CDC42BPA: variants seen among roughly 807,000 people sequenced by gnomAD.
The protein encoded by CDC42BPA is CDC42 binding protein kinase alpha, also known as serine/threonine-protein kinase MRCK alpha.
CDC42BPA carries 80 observed loss-of-function variants against 223.5 expected under a neutral mutation model. The ratio of observed to expected loss-of-function variants is 0.36; its 90% CI spans 0.30 to 0.43. CDC42BPA has a LOEUF of 0.43. Among genes scored for constraint, CDC42BPA ranks in the 20% least tolerant of loss-of-function variants. The probability of loss-of-function intolerance (pLI) is 1.00; values close to 1 mark genes in which losing one functional copy is unlikely to be tolerated. For missense variants in CDC42BPA, 1,743 were observed against 2,099.9 expected (o/e 0.83, Z 3.32); for synonymous variants, 694 against 718.6 (o/e 0.97, Z 0.55).
chr1:227,103,152 C>T (rs1685335632), intron 14 of CDC42BPA, among the ~76,000 whole-genome samples: 1 of 151,974 alleles, frequency 6.6e-6, no homozygotes, highest in Admixed American at 6.6e-5. Context: ...CTCTGACCAA[C>T]ATGTAAAATA....
intron 3 of CDC42BPA, 36 bp from the exon 4 acceptor site, chr1:227,199,688 T>C: frequency 1.0e-6 from 1 of 994,774 alleles, no homozygotes; most frequent in African/African-American, 1.6e-5. Flanking sequence ...GAGCATACTT[T>C]ATGTAAAACT....
chr1:227,050,953 T>C (rs1215591052), intron 22 of CDC42BPA, among the ~76,000 whole-genome samples: 2 of 152,340 alleles, frequency 1.3e-5, no homozygotes, highest in South Asian at 4.1e-4. Flanking sequence ...TGGGTGTTTA[T>C]ATTCTCTGAA....
intron 2 of CDC42BPA, among the ~76,000 whole-genome samples, chr1:227,249,531 T>C (rs958842446): frequency 6.6e-6 from 1 of 152,146 alleles, no homozygotes; most frequent in African/African-American, 2.4e-5. Context: ...GGAGGAAATA[T>C]TTGCAAACTA....
chr1:227,252,618 A>G (rs1682214910), intron 2 of CDC42BPA, among the ~76,000 whole-genome samples: 1 of 152,182 alleles, frequency 6.6e-6, no homozygotes, highest in African/African-American at 2.4e-5. Context: ...TGAAGAACAC[A>G]GGTGCAAAGA....
At chr1:227,209,192 T>C (rs1221275012) in intron 3 of CDC42BPA, among the ~76,000 whole-genome samples, 1 of 144,762 alleles carries the variant, frequency 6.9e-6, no homozygotes, top group East Asian at 2.0e-4. Flanking sequence ...CTTGTGATTT[T>C]TGTACATTGA....
At chr1:227,066,144 A>G (rs1677013843) in intron 21 of CDC42BPA, among the ~76,000 whole-genome samples, 1 of 152,152 alleles carries the variant, frequency 6.6e-6, no homozygotes, top group African/African-American at 2.4e-5. Context: ...TAATCCCAGC[A>G]CTTTGAGAGG....
intron 10 of CDC42BPA, among the ~76,000 whole-genome samples, chr1:227,135,307 G>A (rs1212265511): frequency 6.6e-6 from 1 of 152,184 alleles, no homozygotes; most frequent in Non-Finnish European, 1.5e-5. Flanking sequence ...GCTTTGAAAA[G>A]TCAGACAGAA....
chr1:227,277,046 C>T (rs1368696050), intron 1 of CDC42BPA, among the ~76,000 whole-genome samples: 3 of 149,426 alleles, frequency 2.0e-5, no homozygotes, highest in African/African-American at 5.0e-5. Context: ...ATCCCCCTCT[C>T]CGAGAAACAC....
intron 1 of CDC42BPA, among the ~76,000 whole-genome samples, chr1:227,277,078 T>TAAAAAAAAAAAAAAAAAAAAAAACA (rs199895591): frequency 9.5e-6 from 1 of 105,022 alleles, no homozygotes; most frequent in African/African-American, 3.4e-5. Flanking sequence ...CAATAAATAC[T>TAAAAAAAAAAAAAAAAAAAAAAACA]AAAAAAAAAA....
At chr1:227,234,712 G>A (rs543984978) in intron 2 of CDC42BPA, 6 of 152,188 alleles carry the variant, frequency 3.9e-5, no homozygotes, top group Non-Finnish European at 8.8e-5. Context: ...CCATGTGACG[G>A]AGGCAGACAG....
At chr1:227,240,861 CTG>C (rs1428850398) in intron 2 of CDC42BPA, among the ~76,000 whole-genome samples, 6 of 151,712 alleles carry the variant, frequency 4.0e-5, no homozygotes, top group African/African-American at 1.4e-4. Flanking sequence ...AAAATACTAA[CTG>C]TAATAGAAAA....
intron 5 of CDC42BPA, among the ~76,000 whole-genome samples, chr1:227,164,412 G>A (rs1664652161): frequency 1.3e-5 from 2 of 152,114 alleles, no homozygotes; most frequent in South Asian, 2.1e-4. Flanking sequence ...AAACCTATAA[G>A]TCTTTTTTTA....
At chr1:227,042,210 G>T (rs1671506706) in intron 23 of CDC42BPA, among the ~76,000 whole-genome samples, 1 of 151,664 alleles carries the variant, frequency 6.6e-6, no homozygotes, top group African/African-American at 2.4e-5. Flanking sequence ...AGACATACCT[G>T]AAACAGTAGC....
At chr1:227,109,859 C>G (rs1159201375) in intron 14 of CDC42BPA, among the ~76,000 whole-genome samples, 1 of 151,116 alleles carries the variant, frequency 6.6e-6, no homozygotes, top group African/African-American at 2.4e-5. Context: ...CTTAAGGGAC[C>G]ATTGTTGTAT....
At chr1:227,157,607 C>T (rs1217730355) in intron 6 of CDC42BPA, among the ~76,000 whole-genome samples, 1 of 152,144 alleles carries the variant, frequency 6.6e-6, no homozygotes, top group Non-Finnish European at 1.5e-5. Flanking sequence ...ATTCTTAGAT[C>T]TGAGTTTTTC....
chr1:227,149,265 C>T (rs1362105665), intron 6 of CDC42BPA, among the ~76,000 whole-genome samples: 1 of 152,176 alleles, frequency 6.6e-6, no homozygotes, highest in African/African-American at 2.4e-5. Flanking sequence ...TTCAAATGCA[C>T]ACCGCTTCTG....
intron 14 of CDC42BPA, among the ~76,000 whole-genome samples, chr1:227,104,827 A>G (rs914685224): frequency 1.3e-5 from 2 of 152,148 alleles, no homozygotes; most frequent in African/African-American, 2.4e-5. Context: ...GACTGTCAGC[A>G]TGCCACCAGA....
chr1:227,011,758 C>A (rs1466753262), intron 34 of CDC42BPA, among the ~76,000 whole-genome samples: 1 of 152,136 alleles, frequency 6.6e-6, no homozygotes, highest in Admixed American at 6.5e-5. Context: ...AATCCAAGGA[C>A]TATTTTTAGA....
intron 32 of CDC42BPA, 41 bp downstream of exon 32, chr1:227,023,222 T>C (rs1427687583): frequency 5.1e-6 from 5 of 971,676 alleles, no homozygotes; most frequent in Non-Finnish European, 6.4e-6. Context: ...GAAATAATAT[T>C]TCCAATGAAG....
Sources: allele counts gnomAD v4.1 joint callset (sites outside exome capture counted in the v4.1 genomes callset), GRCh38; gene constraint gnomAD v4.1.1; transcripts MANE v1.5; gene names NCBI Gene and HGNC (gene_info 2026-07-23, HGNC 2026-07-21).